Variants in TBC1D16 observed in about 807,000 individuals in gnomAD.
TBC1D16 encodes the protein TBC1 domain family member 16.
TBC1D16 carries 58 observed loss-of-function variants against 74.7 expected under a neutral mutation model. The ratio of observed to expected loss-of-function variants is 0.78; its 90% CI spans 0.63 to 0.97. The LOEUF is 0.97. Ranked by LOEUF, TBC1D16 falls within the 50% of genes least tolerant of loss-of-function variation. TBC1D16 has a pLI of 0.00. For missense variants in TBC1D16, 1,014 were observed against 1,079.5 expected, an observed-to-expected ratio of 0.94 and a Z score of 0.85; for synonymous variants, 493 against 474.7, an observed-to-expected ratio of 1.04 and a Z score of -0.50.
chr17:79,934,635 G>C lies in TBC1D16; in HGVS notation c.*6224C>G, dbSNP rs571621129. The C allele has an allele frequency of 6.6e-6, 1 of 152,434 alleles. No homozygotes were observed. The highest frequency in any genetic ancestry group is 1.5e-5 in the Non-Finnish European group (1 of 68,088). The allele number at this position is 152,434 out of a possible 1,614,324, so 9.4% of individuals were successfully genotyped here. A position where few individuals can be genotyped will look rare whatever the true frequency, so the allele number is the denominator to read the frequency against. On this transcript the variant is annotated 3_prime_UTR_variant, in exon 12 of 12. Transcript: ENST00000310924. ...GCAGTGCTGGCTCTGCTCTTTCCTG[G>C]GGGAAGCCCACTGCTCCTCCTGGGG...
intron 3 of TBC1D16, among the ~76,000 whole-genome samples, chr17:79,992,542 G>C (rs80131040): frequency 6.6e-6 from 1 of 152,192 alleles, no homozygotes; most frequent in South Asian, 2.1e-4. Flanking sequence ...ATTTACAGAA[G>C]CAAGACAGAT....
Position 79,983,514 on chromosome 17 carries a change from T to G in TBC1D16, c.779+26646A>C, listed in dbSNP as rs1160424864. ...TGGAGACAGTGTCCCCCTATTGGAG[T>G]GAGCACCCGCAGCACCTCAGGCACG... On this transcript the variant is annotated intron_variant, in intron 3 of 11. Coordinates refer to ENST00000310924, the MANE Select transcript of TBC1D16 (RefSeq NM_019020.4). The surrounding 1 kb of genome is among the most constrained non-coding windows in gnomAD (Gnocchi z 5.6). 1.3e-5 allele frequency among the ~76,000 whole-genome samples: 2 copies of G among 152,202 alleles called. No homozygotes were observed. Among genetic ancestry groups the G allele is most frequent in the South Asian group, 2.1e-4 (1 of 4,816 alleles).
chr17:80,002,624 C>T (rs933441757), intron 3 of TBC1D16, among the ~76,000 whole-genome samples: 1 of 152,194 alleles, frequency 6.6e-6, no homozygotes, highest in Non-Finnish European at 1.5e-5. Flanking sequence ...GGGAGGGTCG[C>T]TACGTTTCTA....
intron 3 of TBC1D16, among the ~76,000 whole-genome samples, chr17:79,966,168 C>G (rs538991583): frequency 3.5e-4 from 53 of 152,350 alleles, no homozygotes; most frequent in African/African-American, 1.1e-3. Context: ...CCAGTCTCTG[C>G]TCCATCATCA....
Position 79,945,073 on chromosome 17 carries a change from C to G in TBC1D16, c.1743G>C (p.Glu581Asp), listed in dbSNP as rs1206473340. 6.3e-7 allele frequency: 1 copy of G among 1,583,308 alleles called. No individual in the cohort carries two copies. The highest frequency in any genetic ancestry group is 2.3e-5 in the East Asian group (1 of 43,746). The change falls in exon 10 of 12, where the codon GAG becomes GAC. Residue 581 changes from glutamate (E) to aspartate (D), a missense_variant. By Grantham distance (45) the Glu-to-Asp change is conservative. Transcript: ENST00000310924. ...DMEKQLLYLRELLRLTHVRFY... is the reference protein window; with the variant it reads ...DMEKQLLYLRDLLRLTHVRFY... The stretch of plus-strand genomic sequence containing the variant: ...AGCGCACGTGCGTCAGCCGCAGCAG[C>G]TCGCGCAGGTACAGCTGGGGGTGAG...
chr17:79,945,650 G>A (rs1263449899), intron 9 of TBC1D16, among the ~76,000 whole-genome samples: 1 of 152,242 alleles, frequency 6.6e-6, no homozygotes, highest in Non-Finnish European at 1.5e-5. Context: ...CCAGGCCGCT[G>A]ACTTCATCAA....
chr17:79,951,351 G>A, intron 5 of TBC1D16, 99 bp downstream of exon 5: 1 of 1,443,252 alleles, frequency 6.9e-7, no homozygotes, highest in Non-Finnish European at 9.3e-7. Context: ...AGCCCCCGGG[G>A]CCCGGGGACC....
chr17:79,947,696 C>A lies in TBC1D16; in HGVS notation c.1677G>T (p.Gln559His). The A allele has an allele frequency of 6.2e-7, 1 of 1,614,166 alleles. No homozygotes were observed. The highest frequency in any genetic ancestry group is 8.5e-7 in the Non-Finnish European group (1 of 1,180,036). Residue 559 changes from glutamine to histidine, a missense_variant, in exon 9 of 12, where the codon CAG becomes CAT. By Grantham distance (24) the Gln-to-His change is conservative. Coordinates refer to ENST00000310924, the MANE Select transcript of TBC1D16 (RefSeq NM_019020.4). ...GGGGTGAGCTGACGAAGATCGTGTT[C>A]TGCATCAAACCCACAAAGCACCAGA... ...DTFWCFVGLM[Q>H]NTIFVSSPRD...
intron 3 of TBC1D16, among the ~76,000 whole-genome samples, chr17:79,970,165 G>A (rs2034020217): frequency 6.6e-6 from 1 of 152,088 alleles, no homozygotes; most frequent in South Asian, 2.1e-4. Context: ...GATGCTAAGC[G>A]AAAGAAGCCA....
chr17:79,946,836 C>T (rs1190348467), intron 9 of TBC1D16, among the ~76,000 whole-genome samples: 1 of 152,236 alleles, frequency 6.6e-6, no homozygotes, highest in African/African-American at 2.4e-5. Flanking sequence ...GGAGCTGTCC[C>T]CGGTGCAGGA....
At chr17:80,028,248 T>G (rs1481689860) in intron 1 of TBC1D16, among the ~76,000 whole-genome samples, 1 of 151,872 alleles carries the variant, frequency 6.6e-6, no homozygotes. Flanking sequence ...AAAAAAAGAA[T>G]AGCCGGGCGC....
intron 1 of TBC1D16, among the ~76,000 whole-genome samples, chr17:80,019,578 C>T (rs2036216377): frequency 6.7e-6 from 1 of 149,680 alleles, no homozygotes; most frequent in Non-Finnish European, 1.5e-5. Flanking sequence ...TTTGCTGTTT[C>T]GCAAGAGGCT....
At chr17:79,958,277 T>A (rs1041803312) in intron 3 of TBC1D16, among the ~76,000 whole-genome samples, 1 of 150,118 alleles carries the variant, frequency 6.7e-6, no homozygotes, top group Admixed American at 6.7e-5. Flanking sequence ...TGAAATGCAA[T>A]GGCAAGATCT....
chr17:79,967,832 C>T (rs2033906604), intron 3 of TBC1D16, among the ~76,000 whole-genome samples: 2 of 152,096 alleles, frequency 1.3e-5, no homozygotes, highest in South Asian at 4.1e-4. Flanking sequence ...AATTTCAAAA[C>T]TTAACTACAA....
chr17:79,960,797 A>C (rs1474746740), intron 3 of TBC1D16, among the ~76,000 whole-genome samples: 7 of 148,682 alleles, frequency 4.7e-5, no homozygotes, highest in East Asian at 2.0e-4. Context: ...AAAAAAAAAA[A>C]AAAAAAAAAA....
Position 79,980,576 on chromosome 17 carries a change from C to T in TBC1D16, c.780-27758G>A, listed in dbSNP as rs2034536945. ...TCTCCCTAACCAGGACACTGTGGTG[C>T]AGACAGTGTAGGGACTGGCGAAGAG... On this transcript the variant is annotated intron_variant, in intron 3 of 11. Coordinates refer to ENST00000310924, the MANE Select transcript of TBC1D16 (RefSeq NM_019020.4). The surrounding 1 kb of genome is among the most constrained non-coding windows in gnomAD (Gnocchi z 7.0). 6.6e-6 allele frequency among the ~76,000 whole-genome samples: 1 copy of T among 152,192 alleles called. No individual in the cohort carries two copies. The highest frequency in any genetic ancestry group is 2.1e-4 in the South Asian group (1 of 4,832).
In TBC1D16 at chr17:80,021,729, A is replaced by C. The variant is rs577540549; in HGVS notation, c.-62-8120T>G. ...GACACACACACCACACACCACAGAC[A>C]CACACACTGCACACACCATAGACAC... On this transcript the variant is annotated intron_variant, in intron 1 of 11. Coordinates refer to ENST00000310924, the MANE Select transcript of TBC1D16 (RefSeq NM_019020.4). Among the ~76,000 whole-genome samples, 7 of 148,466 alleles carry C rather than the reference A, an allele frequency of 4.7e-5. No individual in the cohort carries two copies. In the East Asian group the frequency reaches 1.4e-3, roughly 29 times the overall value.
intron 4 of TBC1D16, among the ~76,000 whole-genome samples, chr17:79,952,356 G>T (rs1292994978): frequency 6.6e-6 from 1 of 152,242 alleles, no homozygotes; most frequent in Non-Finnish European, 1.5e-5. Context: ...GCCGGCAGCT[G>T]CTACCCTCTG....
rs986779376 is a variant in TBC1D16 at position 79,939,964 on chromosome 17, C to T, written c.*895G>A. ...TCAGAGGATCTTGCAAACACAAACACGCACGCACGTGTGCATGCATGCATG... is the reference window on the plus strand; with the variant it reads ...TCAGAGGATCTTGCAAACACAAACATGCACGCACGTGTGCATGCATGCATG... On this transcript the variant is annotated 3_prime_UTR_variant, in exon 12 of 12. Coordinates refer to ENST00000310924, the MANE Select transcript of TBC1D16 (RefSeq NM_019020.4). The T allele has an allele frequency of 3.3e-5, 5 of 152,204 alleles. No individual in the cohort carries two copies. The highest frequency in any genetic ancestry group is 2.0e-4 in the Admixed American group (3 of 15,280). 9.4% of individuals were successfully genotyped at this position (152,204 alleles called of 1,614,324 possible). A position where few individuals can be genotyped will look rare whatever the true frequency, so the allele number is the denominator to read the frequency against.
Sources: gnomAD v4.1 joint callset for allele counts (sites outside exome capture counted in the v4.1 genomes callset) on GRCh38, gnomAD v4.1.1 for gene constraint, Gnocchi (gnomAD v3.1) non-coding constraint, MANE v1.5 for transcripts, NCBI Gene and HGNC (gene_info 2026-07-23, HGNC 2026-07-21) for gene names.